OPCML: variants seen among roughly 807,000 people sequenced by gnomAD.
The protein encoded by OPCML is opioid-binding protein/cell adhesion molecule.
Under a neutral mutation model 37.8 loss-of-function variants are expected in OPCML, and 13 were observed. The ratio of observed to expected loss-of-function variants is 0.34; its 90% CI spans 0.22 to 0.55. OPCML has a LOEUF of 0.55. Ranked by LOEUF, OPCML falls within the 20% of genes least tolerant of loss-of-function variation. OPCML has a pLI of 0.91. For synonymous variants in OPCML, 176 were observed against 168.8 expected (o/e 1.04, Z -0.33); for missense variants, 341 against 435.6 (o/e 0.78, Z 1.93).
intron 1 of OPCML, among the ~76,000 whole-genome samples, chr11:133,076,452 G>A (rs1243992950): frequency 2.0e-5 from 3 of 152,092 alleles, no homozygotes; most frequent in African/African-American, 7.2e-5. Flanking sequence ...CCTGCATATG[G>A]GGTTCCATTT....
chr11:132,712,217 G>T (rs1309613894), intron 2 of OPCML, among the ~76,000 whole-genome samples: 1 of 152,178 alleles, frequency 6.6e-6, no homozygotes, highest in Non-Finnish European at 1.5e-5. Context: ...ATGAGAAGAT[G>T]AATGTAATTA....
chr11:133,035,983 A>G (rs1008461175), intron 1 of OPCML, among the ~76,000 whole-genome samples: 2 of 152,198 alleles, frequency 1.3e-5, no homozygotes, highest in African/African-American at 4.8e-5. Flanking sequence ...AAACTATGAG[A>G]AAGTGAATAT....
intron 1 of OPCML, among the ~76,000 whole-genome samples, chr11:133,343,554 G>A (rs1049421217): frequency 6.6e-6 from 1 of 152,004 alleles, no homozygotes; most frequent in Non-Finnish European, 1.5e-5. Context: ...GGAGTGAGAG[G>A]GAACTTTTTT....
rs146223776 is a variant in OPCML at position 133,238,903 on chromosome 11, C to T, written c.61+293361G>A. Among the ~76,000 whole-genome samples the T allele has an allele frequency of 1.7e-3, 255 of 152,334 alleles. 5 individuals are homozygous for T. The highest frequency in any genetic ancestry group is 0.01 in the Middle Eastern group (3 of 294). On this transcript the variant is annotated intron_variant, in intron 1 of 7. Transcript: ENST00000524381. ...TCATCTGGAGATTTCAAAGTCCCTA[C>T]CACAGGCAGCCATTATTGTTCTATT...
intron 3 of OPCML, among the ~76,000 whole-genome samples, chr11:132,588,999 A>G (rs1220866736): frequency 6.6e-6 from 1 of 152,212 alleles, no homozygotes; most frequent in African/African-American, 2.4e-5. Context: ...TTGAGTCTCT[A>G]TAATTCTGGG....
chr11:132,433,249 C>T (rs553903614), intron 7 of OPCML, among the ~76,000 whole-genome samples: 8 of 152,172 alleles, frequency 5.3e-5, no homozygotes, highest in African/African-American at 1.4e-4. Flanking sequence ...AGTAGAAACA[C>T]GACAGTATTC....
At chr11:132,910,131 G>A (rs529024994) in intron 2 of OPCML, among the ~76,000 whole-genome samples, 19 of 152,304 alleles carry the variant, frequency 1.2e-4, no homozygotes, top group Admixed American at 9.8e-4. Context: ...CTCCTCCTCT[G>A]AGCACTGCTT....
intron 1 of OPCML, among the ~76,000 whole-genome samples, chr11:133,224,727 T>A (rs1235337095): frequency 1.3e-5 from 2 of 152,228 alleles, no homozygotes; most frequent in South Asian, 4.1e-4. Flanking sequence ...TTGAACATAT[T>A]AATGATAACA....
chr11:133,524,877 C>A (rs140875075), intron 1 of OPCML, among the ~76,000 whole-genome samples: 1 of 152,308 alleles, frequency 6.6e-6, no homozygotes, highest in Non-Finnish European at 1.5e-5. Flanking sequence ...GGCCTCAATG[C>A]CTTTGAGGAC....
At chr11:132,835,953 G>C (rs4486641) in intron 2 of OPCML, among the ~76,000 whole-genome samples, 1 of 152,030 alleles carries the variant, frequency 6.6e-6, no homozygotes, top group Non-Finnish European at 1.5e-5. Flanking sequence ...TTTTGTTGTT[G>C]TTGTTTCATG....
At chr11:133,364,138 C>T (rs1455427906) in intron 1 of OPCML, among the ~76,000 whole-genome samples, 1 of 152,192 alleles carries the variant, frequency 6.6e-6, no homozygotes, top group Non-Finnish European at 1.5e-5. Context: ...TCAGTGGCTA[C>T]CTCTGTTTGT....
At chr11:132,812,372 C>T (rs1939396883) in intron 2 of OPCML, among the ~76,000 whole-genome samples, 1 of 151,800 alleles carries the variant, frequency 6.6e-6, no homozygotes, top group Admixed American at 6.6e-5. Context: ...GCGATAAATG[C>T]TCCTAACCTA....
At chr11:132,535,985 G>A (rs1012608319) in intron 3 of OPCML, among the ~76,000 whole-genome samples, 1 of 152,128 alleles carries the variant, frequency 6.6e-6, no homozygotes, top group Non-Finnish European at 1.5e-5. Context: ...GATTATTAGA[G>A]CTGAATCAGA....
chr11:133,403,792 T>A (rs1048528309), intron 1 of OPCML, among the ~76,000 whole-genome samples: 1 of 152,248 alleles, frequency 6.6e-6, no homozygotes, highest in Non-Finnish European at 1.5e-5. Flanking sequence ...TCTACTTCCA[T>A]GAAAACTATT....
intron 1 of OPCML, among the ~76,000 whole-genome samples, chr11:133,021,819 G>A (rs941426599): frequency 2.1e-5 from 1 of 47,970 alleles, no homozygotes; most frequent in Non-Finnish European, 3.6e-5. Flanking sequence ...ACCCTCAATC[G>A]TTGGCATCAG....
intron 2 of OPCML, among the ~76,000 whole-genome samples, chr11:132,869,310 A>G (rs1245985442): frequency 6.6e-6 from 1 of 152,218 alleles, no homozygotes; most frequent in Non-Finnish European, 1.5e-5. Flanking sequence ...TGACAGCCCA[A>G]GGGCAAAGAG....
chr11:132,477,688 G>A (rs1011835604), intron 4 of OPCML, among the ~76,000 whole-genome samples: 1 of 152,196 alleles, frequency 6.6e-6, no homozygotes, highest in Non-Finnish European at 1.5e-5. Context: ...ATGAACATAT[G>A]TTTTTCTGGA....
intron 3 of OPCML, among the ~76,000 whole-genome samples, chr11:132,575,257 A>T (rs2096447698): frequency 6.6e-6 from 1 of 152,074 alleles, no homozygotes; most frequent in African/African-American, 2.4e-5. Context: ...AAGTATTGAT[A>T]GTGAAGGGTT....
At chr11:133,238,279 T>G (rs1235940990) in intron 1 of OPCML, among the ~76,000 whole-genome samples, 1 of 152,210 alleles carries the variant, frequency 6.6e-6, no homozygotes, top group Non-Finnish European at 1.5e-5. Context: ...TAGGTGGCTG[T>G]TGGGCACTTG....
Sources: gnomAD v4.1 joint callset for allele counts (sites outside exome capture counted in the v4.1 genomes callset) on GRCh38, gnomAD v4.1.1 for gene constraint, MANE v1.5 for transcripts, NCBI Gene and HGNC (gene_info 2026-07-23, HGNC 2026-07-21) for gene names.